The following SIPA1L3 variants were observed in gnomAD, a reference collection of about 807,000 sequenced individuals.
SIPA1L3 encodes the protein signal induced proliferation associated 1 like 3, also known as signal-induced proliferation-associated 1-like protein 3.
Under a neutral mutation model 150.1 loss-of-function variants are expected in SIPA1L3, and 59 were observed. That is an observed-to-expected ratio of 0.39 (90% CI 0.32 to 0.49). The LOEUF (loss-of-function observed/expected upper bound fraction) is 0.49. SIPA1L3 is among the 20% of genes least tolerant of loss of function. SIPA1L3 has a pLI of 0.86. For synonymous variants in SIPA1L3, 1,070 were observed against 1,077.6 expected (o/e 0.99, Z 0.14); for missense variants, 2,211 against 2,489.5 (o/e 0.89, Z 2.38).
At chr19:38,054,009 A>T (rs1301879902) in intron 2 of SIPA1L3, among the ~76,000 whole-genome samples, 1 of 152,136 alleles carries the variant, frequency 6.6e-6, no homozygotes, top group African/African-American at 2.4e-5. Context: ...GGACCTGTCC[A>T]AGGTCACACG....
chr19:38,182,469 A>T, intron 15 of SIPA1L3, 50 bp from the exon 16 acceptor site: 1 of 1,400,694 alleles, frequency 7.1e-7, no homozygotes, highest in East Asian at 2.3e-5. Flanking sequence ...TGTCTTGCCA[A>T]ATGTGGAATG....
intron 2 of SIPA1L3, among the ~76,000 whole-genome samples, chr19:38,064,709 G>A (rs542290740): frequency 6.6e-6 from 1 of 152,290 alleles, no homozygotes; most frequent in African/African-American, 2.4e-5. Flanking sequence ...AAAAAAAGAA[G>A]AAGAAAAAAT....
intron 12 of SIPA1L3, among the ~76,000 whole-genome samples, chr19:38,149,188 G>T (rs1335741187): frequency 1.3e-5 from 2 of 152,148 alleles, no homozygotes; most frequent in Non-Finnish European, 2.9e-5. Flanking sequence ...ATCACTTGAG[G>T]CCAGGAGTTT....
At chr19:38,139,865 G>A (rs144139958) in intron 10 of SIPA1L3, among the ~76,000 whole-genome samples, 153 of 152,234 alleles carry the variant, frequency 1.0e-3, no homozygotes, top group African/African-American at 3.5e-3. Context: ...GGACAGGAAC[G>A]CCACGTCCAA....
chr19:38,180,537 CTTT>C (rs60445902), intron 15 of SIPA1L3, among the ~76,000 whole-genome samples: 18,174 of 124,670 alleles, frequency 0.15, 1,153 homozygotes, highest in African/African-American at 0.18. Flanking sequence ...TTTTTCTTTT[CTTT>C]TTTTTTTTTT....
intron 15 of SIPA1L3, among the ~76,000 whole-genome samples, chr19:38,169,552 C>T (rs1040368812): frequency 2.0e-5 from 3 of 152,192 alleles, no homozygotes; most frequent in South Asian, 4.1e-4. Context: ...AAACCACATA[C>T]CTACATCATA....
At chr19:38,200,932 A>G (rs1178255426) in intron 19 of SIPA1L3, 1 of 152,290 alleles carries the variant, frequency 6.6e-6, no homozygotes, top group East Asian at 1.9e-4. Context: ...CATTTCAAAA[A>G]AAAAAAAAAA....
At chr19:37,971,438 C>T (rs190377338) in intron 1 of SIPA1L3, among the ~76,000 whole-genome samples, 1 of 152,294 alleles carries the variant, frequency 6.6e-6, no homozygotes, top group Admixed American at 6.5e-5. Context: ...CCCATCCCTT[C>T]AGCCCCTGGC....
In SIPA1L3 at chr19:38,182,279, A is replaced by G. The variant is rs141503976; in HGVS notation, c.4209-240A>G. On this transcript the variant is annotated intron_variant, in intron 15 of 21. Transcript: ENST00000222345. ...ACGGGAGTGAATTTTTCAGATTCCT[A>G]TAGAGGAACCAAATGTGCTAGAAGG... is the stretch of plus-strand genomic sequence containing the variant. Among the ~76,000 whole-genome samples, 11 of 152,246 alleles carry G rather than the reference A, an allele frequency of 7.2e-5. No homozygotes were observed. The East Asian group carries it at 7.7e-4, about 11-fold the overall frequency.
chr19:38,109,326 C>T (rs1301159955), intron 7 of SIPA1L3: 5 of 152,192 alleles, frequency 3.3e-5, no homozygotes, highest in South Asian at 2.1e-4. Context: ...CATCAGATCT[C>T]GTGAAACTTA....
chr19:38,110,036 G>A (rs1473961927), intron 7 of SIPA1L3, 191 bp from the exon 8 acceptor site: 1 of 594,804 alleles, frequency 1.7e-6, no homozygotes, highest in East Asian at 2.7e-5. Flanking sequence ...CCATGGTGAG[G>A]CCTTTGTCCT....
chr19:38,047,290 T>C lies in SIPA1L3; in HGVS notation c.-311+18134T>C, dbSNP rs1371739484. On this transcript the variant is annotated intron_variant, in intron 2 of 21. Transcript: ENST00000222345. This position sits in a 1 kb window ranked among gnomAD's most constrained non-coding sequence, Gnocchi z 4.7. Reference sequence around the variant, plus strand: ...CCTACACATTCCTCTCTCTGTCATATCACCTGGTTTATTTTCTTCATGGCA... The same window carrying C: ...CCTACACATTCCTCTCTCTGTCATACCACCTGGTTTATTTTCTTCATGGCA... Among the ~76,000 whole-genome samples, 1 of 152,134 alleles carries C rather than the reference T, an allele frequency of 6.6e-6. No homozygotes were observed. Among genetic ancestry groups the C allele is most frequent in the African/African-American group, 2.4e-5 (1 of 41,420 alleles).
chr19:37,924,276 A>G (rs947791349), intron 1 of SIPA1L3, among the ~76,000 whole-genome samples: 1 of 152,142 alleles, frequency 6.6e-6, no homozygotes, highest in African/African-American at 2.4e-5. Flanking sequence ...GATCATTAGT[A>G]TCACTCTTCC....
intron 1 of SIPA1L3, among the ~76,000 whole-genome samples, chr19:37,931,475 G>A (rs764608929): frequency 2.0e-5 from 3 of 149,338 alleles, no homozygotes; most frequent in East Asian, 2.0e-4. Context: ...GGCCGGCCGC[G>A]GTGGCTCATG....
At chr19:37,962,250 TCTC>T (rs1391528992) in intron 1 of SIPA1L3, among the ~76,000 whole-genome samples, 1 of 151,408 alleles carries the variant, frequency 6.6e-6, no homozygotes, top group Admixed American at 6.6e-5. Context: ...TTCAAGCAAT[TCTC>T]CTGCCTCAGC....
chr19:37,977,584 C>G (rs929388850), intron 1 of SIPA1L3, among the ~76,000 whole-genome samples: 1 of 146,296 alleles, frequency 6.8e-6, no homozygotes, highest in African/African-American at 2.6e-5. Flanking sequence ...CCCCTCCACG[C>G]CCCCCCCCAC....
chr19:38,082,355 G>T lies in SIPA1L3; in HGVS notation c.790G>T (p.Gly264Trp). Reference sequence around the variant, plus strand: ...CGGAGCCAAGGGGGACTCCCACAACGGGCAGCCCGCCAAGGACAGCCTCCT... The same window carrying T: ...CGGAGCCAAGGGGGACTCCCACAACTGGCAGCCCGCCAAGGACAGCCTCCT... ...GGGAKGDSHN[G>W]QPAKDSLLPL... is the part of the protein sequence containing the mutation. Residue 264 changes from glycine (G) to tryptophan (W), a missense_variant, in exon 3 of 22, where the codon GGG (glycine) becomes TGG (tryptophan). Physicochemically the swap from Gly to Trp is radical, Grantham distance 184 (BLOSUM62 -2). Around this residue, in one of 5 missense-constraint regions of SIPA1L3, gnomAD observed 587 missense variants for 534.5 expected, o/e 1.10. Transcript: ENST00000222345. The T allele has an allele frequency of 6.3e-7, 1 of 1,597,714 alleles. No homozygotes were observed. The highest frequency in any genetic ancestry group is 2.2e-5 in the East Asian group (1 of 44,782).
At chr19:38,185,802 A>G (rs1972664057) in intron 16 of SIPA1L3, 1 of 152,002 alleles carries the variant, frequency 6.6e-6, no homozygotes, top group African/African-American at 2.4e-5. Context: ...TAATGACCTC[A>G]TTTTCACTTG....
chr19:38,182,865 A>C, intron 16 of SIPA1L3, 125 bp downstream of exon 16: 1 of 717,824 alleles, frequency 1.4e-6, no homozygotes, highest in Non-Finnish European at 2.3e-6. Flanking sequence ...ACCAGTGTAC[A>C]CACTGGGGCT....
Sources: allele counts gnomAD v4.1 joint callset (sites outside exome capture counted in the v4.1 genomes callset), GRCh38; gene constraint gnomAD v4.1.1; regional missense constraint gnomAD v4.1.1; non-coding constraint Gnocchi (gnomAD v3.1); transcripts MANE v1.5; gene names NCBI Gene and HGNC (gene_info 2026-07-23, HGNC 2026-07-21).